The following TBX20 variants were observed in gnomAD, a reference collection of about 807,000 sequenced individuals.
TBX20 encodes T-box transcription factor TBX20.
In TBX20, 8 loss-of-function variants were observed where a neutral mutation model predicts 42.9. The ratio of observed to expected loss-of-function variants is 0.19; its 90% confidence interval spans 0.11 to 0.34. The LOEUF is 0.34. Among genes scored for constraint, TBX20 ranks in the 10% least tolerant of loss-of-function variants. The pLI is 1.00. For missense variants in TBX20, 411 were observed against 566.0 expected (o/e 0.73, Z 2.78); for synonymous variants, 198 against 222.8 (o/e 0.89, Z 0.99).
chr7:35,245,319 G>GGTGTGT (rs61706700), intron 3 of TBX20, among the ~76,000 whole-genome samples: 49,481 of 146,300 alleles, frequency 0.34, 9,114 homozygotes, highest in Middle Eastern at 0.45. Flanking sequence ...TGTTTAAAGG[G>GGTGTGT]GTGTGTGTGT....
intron 6 of TBX20, among the ~76,000 whole-genome samples, chr7:35,225,809 AG>A (rs1394342227): frequency 3.9e-5 from 6 of 152,244 alleles, no homozygotes; most frequent in African/African-American, 1.4e-4. Flanking sequence ...AAAGACTGGA[AG>A]CATAAAGATC....
chr7:35,250,319 A>C, intron 1 of TBX20, 116 bp from the exon 2 acceptor site: 2 of 1,212,682 alleles, frequency 1.6e-6, no homozygotes, highest in African/African-American at 3.5e-5. Flanking sequence ...TTAAGCTCAG[A>C]AACTCCAGGC....
intron 6 of TBX20, among the ~76,000 whole-genome samples, chr7:35,208,571 C>A (rs1469156675): frequency 6.6e-6 from 1 of 151,588 alleles, no homozygotes; most frequent in Non-Finnish European, 1.5e-5. Context: ...GGAGAAACCC[C>A]GTCTCTACTA....
In TBX20 at chr7:35,225,334, T is replaced by C. The variant is rs575786997; in HGVS notation, c.890+6170A>G. On this transcript the variant is annotated intron_variant, in intron 6 of 7. Transcript: ENST00000408931. The stretch of plus-strand genomic sequence containing the variant: ...CATTAAAAAAAATACAAAAATATAC[T>C]TTATGTAACATAATAACCCAAATTA... Among the ~76,000 whole-genome samples the C allele has an allele frequency of 3.4e-4, 52 of 152,302 alleles. No individual in the cohort carries two copies. In the East Asian group the frequency reaches 9.4e-3, roughly 28 times the overall value.
At chr7:35,242,731 A>C (rs715112) in intron 4 of TBX20, among the ~76,000 whole-genome samples, 55,474 of 151,950 alleles carry the variant, frequency 0.37, 10,488 homozygotes, top group Admixed American at 0.46. Context: ...AGCTCCCTGA[A>C]TCTCTGCTCA....
In TBX20 at chr7:35,238,224, G is replaced by A. The variant is rs1413178778; in HGVS notation, c.813+2655C>T. Among the ~76,000 whole-genome samples the A allele has an allele frequency of 3.3e-5, 5 of 152,154 alleles. No homozygotes were observed. In the East Asian group the frequency reaches 5.8e-4, roughly 18 times the overall value. On this transcript the variant is annotated intron_variant, in intron 5 of 7. Transcript: ENST00000408931. ...AGTACCCAAATGTTAGTTGTTATTT[G>A]TATTATGTAAATAAGACCCTCCTAT...
chr7:35,207,655 TTA>T (rs1042485292), intron 6 of TBX20, among the ~76,000 whole-genome samples: 4 of 152,206 alleles, frequency 2.6e-5, no homozygotes, highest in African/African-American at 9.6e-5. Flanking sequence ...TGAGTTAATT[TTA>T]TATATGAATG....
intron 6 of TBX20, among the ~76,000 whole-genome samples, chr7:35,206,070 T>C (rs1789393818): frequency 6.6e-6 from 1 of 152,226 alleles, no homozygotes; most frequent in Non-Finnish European, 1.5e-5. Context: ...TTCTAGAATG[T>C]TCCAGTTTCC....
intron 6 of TBX20, among the ~76,000 whole-genome samples, chr7:35,227,372 C>T (rs946060610): frequency 3.3e-5 from 5 of 152,052 alleles, no homozygotes; most frequent in Admixed American, 6.6e-5. Context: ...ATTCACTGAC[C>T]GCTCACCCAG....
At chr7:35,213,074 A>AGT in intron 6 of TBX20, among the ~76,000 whole-genome samples, 1 of 152,150 alleles carries the variant, frequency 6.6e-6, no homozygotes, top group African/African-American at 2.4e-5. Context: ...ATACCCCCTC[A>AGT]GGAAATAAGC....
chr7:35,214,107 C>T (rs991588142), intron 6 of TBX20, among the ~76,000 whole-genome samples: 1 of 152,004 alleles, frequency 6.6e-6, no homozygotes, highest in Non-Finnish European at 1.5e-5. Flanking sequence ...TAGTGTCTGG[C>T]ACATAGAAGA....
At chr7:35,207,527 C>T (rs182908447) in intron 6 of TBX20, among the ~76,000 whole-genome samples, 15 of 152,078 alleles carry the variant, frequency 9.9e-5, no homozygotes, top group African/African-American at 7.2e-5. Context: ...CTATGGATCA[C>T]GCTTTTGGTG....
At chr7:35,227,081 T>TA (rs772395821) in intron 6 of TBX20, among the ~76,000 whole-genome samples, 2,755 of 89,822 alleles carry the variant, frequency 0.031, 37 homozygotes, top group Admixed American at 0.04. Context: ...GTTTAAAAAG[T>TA]AAAAAAAAAA....
chr7:35,231,420 G>A (rs2128713450), intron 6 of TBX20, 84 bp downstream of exon 6: 1 of 872,610 alleles, frequency 1.1e-6, no homozygotes, highest in East Asian at 2.5e-5. Flanking sequence ...ATGATTCTCT[G>A]GTGTCGAAAG....
intron 5 of TBX20, among the ~76,000 whole-genome samples, chr7:35,238,779 T>C (rs4723401): frequency 0.38 from 57,390 of 151,948 alleles, 11,091 homozygotes; most frequent in Admixed American, 0.46. Context: ...TCCACTCCTG[T>C]GTTATGATCT....
Position 35,227,700 on chromosome 7 carries a change from C to G in TBX20, c.890+3804G>C, listed in dbSNP as rs138759250. ...ATGCATTTCTCAGAATGCAGCCCTT[C>G]TGTTAAGTGACTCATGACTATACAT... On this transcript the variant is annotated intron_variant, in intron 6 of 7. Transcript: ENST00000408931. Among the ~76,000 whole-genome samples the G allele has an allele frequency of 8.4e-3, 1,279 of 152,276 alleles. 7 individuals carry two copies. The highest frequency in any genetic ancestry group is 0.013 in the Non-Finnish European group (885 of 68,008).
At chr7:35,241,177 T>G (rs1790071577) in intron 4 of TBX20, 140 bp from the exon 5 acceptor site, 3 of 701,430 alleles carry the variant, frequency 4.3e-6, no homozygotes. Context: ...TTTCCAGCCT[T>G]AAGGCAAATC....
At chr7:35,231,802 G>T (rs1789871536) in intron 5 of TBX20, among the ~76,000 whole-genome samples, 1 of 152,160 alleles carries the variant, frequency 6.6e-6, no homozygotes, top group African/African-American at 2.4e-5. Flanking sequence ...ACAGGCTGGA[G>T]GTTGACAGAT....
intron 6 of TBX20, among the ~76,000 whole-genome samples, chr7:35,229,704 T>C (rs1296263504): frequency 1.3e-5 from 2 of 152,164 alleles, no homozygotes; most frequent in African/African-American, 2.4e-5. Flanking sequence ...CTATTTTTAC[T>C]CTAGGAGTAG....
Sources: allele counts gnomAD v4.1 joint callset (sites outside exome capture counted in the v4.1 genomes callset), GRCh38; gene constraint gnomAD v4.1.1; transcripts MANE v1.5; gene names NCBI Gene and HGNC (gene_info 2026-07-23, HGNC 2026-07-21).